The following PDE4D variants were observed in gnomAD, a reference collection of about 807,000 sequenced individuals.
PDE4D encodes the protein 3',5'-cyclic-AMP phosphodiesterase 4D.
In PDE4D, 24 loss-of-function variants were observed where a neutral mutation model predicts 87.4. The observed-to-expected ratio is 0.27, with a 90% CI of 0.20 to 0.39. The LOEUF is 0.39. Among genes scored for constraint, PDE4D ranks in the 10% least tolerant of loss-of-function variants. The pLI is 1.00. For synonymous variants in PDE4D, 384 were observed against 383.2 expected (o/e 1.00, Z -0.02); for missense variants, 714 against 1,041.0 (o/e 0.69, Z 4.32).
At chr5:59,390,658 C>A (rs1188017133) in intron 1 of PDE4D, among the ~76,000 whole-genome samples, 2 of 151,938 alleles carry the variant, frequency 1.3e-5, no homozygotes, top group African/African-American at 2.4e-5. Flanking sequence ...GAGAAGACAT[C>A]GGTTCAGTTA....
intron 1 of PDE4D, among the ~76,000 whole-genome samples, chr5:60,466,336 G>A (rs1057111688): frequency 6.6e-6 from 1 of 152,142 alleles, no homozygotes; most frequent in African/African-American, 2.4e-5. Context: ...TCCTATCAAT[G>A]AATTGAAAGA....
intron 1 of PDE4D, among the ~76,000 whole-genome samples, chr5:59,638,453 G>T (rs953296828): frequency 6.6e-6 from 1 of 152,028 alleles, no homozygotes; most frequent in Admixed American, 6.6e-5. Context: ...ATCAGATACT[G>T]TAATACCACC....
At chr5:60,100,223 AACATATAATGAGTATT>A (rs1287095103) in intron 2 of PDE4D, among the ~76,000 whole-genome samples, 1 of 152,076 alleles carries the variant, frequency 6.6e-6, no homozygotes, top group Non-Finnish European at 1.5e-5. Flanking sequence ...GTGTTTGTAT[AACATATAATGAGTATT>A]ACATATAGAA....
At chr5:59,713,558 C>A (rs1480155447) in intron 1 of PDE4D, among the ~76,000 whole-genome samples, 1 of 152,196 alleles carries the variant, frequency 6.6e-6, no homozygotes, top group East Asian at 1.9e-4. Flanking sequence ...TGACTCCCCT[C>A]AGACCTCAGT....
At chr5:59,116,069 G>GTAAA (rs1773559680) in intron 5 of PDE4D, among the ~76,000 whole-genome samples, 1 of 151,940 alleles carries the variant, frequency 6.6e-6, no homozygotes, top group African/African-American at 2.4e-5. Flanking sequence ...AATATATATA[G>GTAAA]TAAATATAAT....
intron 1 of PDE4D, among the ~76,000 whole-genome samples, chr5:60,264,572 C>T (rs1430501960): frequency 6.6e-6 from 1 of 152,216 alleles, no homozygotes; most frequent in African/African-American, 2.4e-5. Context: ...GGTAAGTGGA[C>T]TAGAATGTCT....
In PDE4D at chr5:59,593,376, C is replaced by T. The variant is rs182585170; in HGVS notation, c.455+299792G>A. 2.0e-5 allele frequency among the ~76,000 whole-genome samples: 3 copies of T among 150,592 alleles called. No homozygotes were observed. In the East Asian group the frequency reaches 5.8e-4, roughly 29 times the overall value. On this transcript the variant is annotated intron_variant, in intron 1 of 14. Coordinates refer to ENST00000340635, the MANE Select transcript of PDE4D (RefSeq NM_001104631.2). ...AATGCACACTTATTCTTTCATTTAT[C>T]CTGATTAGATGTATCCAAAATAGAT...
chr5:60,228,993 A>G (rs1203193717), intron 1 of PDE4D, among the ~76,000 whole-genome samples: 1 of 152,158 alleles, frequency 6.6e-6, no homozygotes, highest in African/African-American at 2.4e-5. Flanking sequence ...TTTGTTATGC[A>G]GCAATATATA....
intron 1 of PDE4D, among the ~76,000 whole-genome samples, chr5:59,868,827 A>G (rs1463490541): frequency 6.6e-6 from 1 of 152,234 alleles, no homozygotes; most frequent in Non-Finnish European, 1.5e-5. Context: ...TCTTTCAGAA[A>G]ATAAAATTCT....
intron 5 of PDE4D, among the ~76,000 whole-genome samples, chr5:59,085,635 T>C (rs148468748): frequency 3.3e-5 from 5 of 152,268 alleles, no homozygotes; most frequent in African/African-American, 1.2e-4. Context: ...ATAAACTGAG[T>C]GTCCCAGGCA....
chr5:59,311,031 TCA>T (rs1204167966), intron 1 of PDE4D, among the ~76,000 whole-genome samples: 1 of 152,098 alleles, frequency 6.6e-6, no homozygotes, highest in Non-Finnish European at 1.5e-5. Context: ...CACTGTAAGA[TCA>T]CAGTGTCAAA....
chr5:60,321,211 T>C (rs2149839924), intron 1 of PDE4D, among the ~76,000 whole-genome samples: 1 of 152,194 alleles, frequency 6.6e-6, no homozygotes, highest in South Asian at 2.1e-4. Context: ...TATAGACCAA[T>C]GGAACAGACT....
intron 1 of PDE4D, among the ~76,000 whole-genome samples, chr5:59,344,163 T>C (rs753043920): frequency 6.6e-6 from 1 of 152,154 alleles, no homozygotes; most frequent in Non-Finnish European, 1.5e-5. Context: ...ACAAGGGTTA[T>C]AATAAAAATA....
At chr5:60,206,533 CAA>C (rs1239760992) in intron 1 of PDE4D, among the ~76,000 whole-genome samples, 1 of 152,210 alleles carries the variant, frequency 6.6e-6, no homozygotes, top group African/African-American at 2.4e-5. Flanking sequence ...CTAAAGTTCT[CAA>C]AAGTGTTCAT....
intron 1 of PDE4D, among the ~76,000 whole-genome samples, chr5:60,410,601 G>A (rs995892724): frequency 3.3e-5 from 5 of 152,204 alleles, no homozygotes; most frequent in Non-Finnish European, 5.9e-5. Context: ...AGTGAACTTT[G>A]TGACTCACCA....
intron 1 of PDE4D, among the ~76,000 whole-genome samples, chr5:59,259,013 A>T (rs2153534190): frequency 6.6e-6 from 1 of 151,956 alleles, no homozygotes; most frequent in East Asian, 1.9e-4. Flanking sequence ...TTCCATTATC[A>T]TTTCACTTGT....
At chr5:60,455,002 G>T (rs547022855) in intron 1 of PDE4D, among the ~76,000 whole-genome samples, 1 of 151,908 alleles carries the variant, frequency 6.6e-6, no homozygotes, top group Non-Finnish European at 1.5e-5. Context: ...TGGGGAACAG[G>T]GTGAGGAATT....
intron 1 of PDE4D, among the ~76,000 whole-genome samples, chr5:60,357,520 C>T (rs1457480843): frequency 6.6e-6 from 1 of 152,108 alleles, no homozygotes; most frequent in Non-Finnish European, 1.5e-5. Context: ...ATTATCTTAT[C>T]CTGGGACTAG....
At chr5:60,265,668 A>G (rs1299750816) in intron 1 of PDE4D, among the ~76,000 whole-genome samples, 1 of 152,098 alleles carries the variant, frequency 6.6e-6, no homozygotes, top group African/African-American at 2.4e-5. Flanking sequence ...CCTAGACTAG[A>G]AAAAACCCTT....
Sources: gnomAD v4.1 joint callset for allele counts (sites outside exome capture counted in the v4.1 genomes callset) on GRCh38, gnomAD v4.1.1 for gene constraint, MANE v1.5 for transcripts, NCBI Gene and HGNC (gene_info 2026-07-23, HGNC 2026-07-21) for gene names.